Variants in GMDS observed in about 807,000 individuals in gnomAD.
GMDS encodes GDP-mannose 4,6 dehydratase.
In GMDS, 20 loss-of-function variants were observed where a neutral mutation model predicts 49.9. The ratio of observed to expected loss-of-function variants is 0.40; its 90% confidence interval spans 0.28 to 0.58. The LOEUF (loss-of-function observed/expected upper bound fraction) is 0.58, where lower values mean the gene tolerates loss of function less well. Ranked by LOEUF, GMDS falls within the 20% of genes least tolerant of loss-of-function variation. GMDS has a pLI of 0.42. For missense variants in GMDS, 362 were observed against 481.4 expected (o/e 0.75, Z 2.32); for synonymous variants, 177 against 178.6 (o/e 0.99, Z 0.07).
chr6:2,013,044 A>G (rs1235546615), intron 4 of GMDS, among the ~76,000 whole-genome samples: 2 of 152,076 alleles, frequency 1.3e-5, no homozygotes, highest in Non-Finnish European at 2.9e-5. Flanking sequence ...AAAGAGAAAG[A>G]AAAAAAACTG....
chr6:2,065,948 C>A (rs1771557523), intron 4 of GMDS, among the ~76,000 whole-genome samples: 1 of 152,078 alleles, frequency 6.6e-6, no homozygotes, highest in Non-Finnish European at 1.5e-5. Flanking sequence ...TCAAGAAGAG[C>A]AACTCCAAGA....
At chr6:2,068,335 A>G (rs1474348661) in intron 4 of GMDS, among the ~76,000 whole-genome samples, 1 of 150,366 alleles carries the variant, frequency 6.7e-6, no homozygotes, top group Non-Finnish European at 1.5e-5. Flanking sequence ...AACTGGAAGC[A>G]TTCCCTTTGA....
At chr6:1,841,461 G>A (rs1267415714) in intron 7 of GMDS, among the ~76,000 whole-genome samples, 1 of 152,136 alleles carries the variant, frequency 6.6e-6, no homozygotes, top group Non-Finnish European at 1.5e-5. Context: ...ATAACCAAAT[G>A]CTAACGTTTT....
At chr6:1,981,097 C>G (rs976975194) in intron 4 of GMDS, among the ~76,000 whole-genome samples, 1 of 151,952 alleles carries the variant, frequency 6.6e-6, no homozygotes, top group Non-Finnish European at 1.5e-5. Context: ...CTAGAAAGAT[C>G]TCAAATTAAC....
At chr6:1,773,463 G>A (rs1355039443) in intron 7 of GMDS, among the ~76,000 whole-genome samples, 2 of 151,680 alleles carry the variant, frequency 1.3e-5, no homozygotes, top group African/African-American at 2.4e-5. Flanking sequence ...AAGTGGTTGG[G>A]GATGCCTGGG....
At chr6:2,177,941 A>G (rs1378515328) in intron 1 of GMDS, among the ~76,000 whole-genome samples, 2 of 152,246 alleles carry the variant, frequency 1.3e-5, no homozygotes, top group Non-Finnish European at 2.9e-5. Flanking sequence ...TACACCATGG[A>G]ATACTATTCA....
chr6:2,095,676 G>A (rs1160895323), intron 4 of GMDS, among the ~76,000 whole-genome samples: 1 of 152,088 alleles, frequency 6.6e-6, no homozygotes, highest in Non-Finnish European at 1.5e-5. Flanking sequence ...CATAGACAGA[G>A]CACTTTATTT....
chr6:1,767,646 T>C (rs1768410109), intron 7 of GMDS, among the ~76,000 whole-genome samples: 1 of 152,210 alleles, frequency 6.6e-6, no homozygotes, highest in African/African-American at 2.4e-5. Flanking sequence ...CAGCCGAGTC[T>C]GGAGCGAGTT....
At chr6:1,788,169 G>A (rs1175151087) in intron 7 of GMDS, among the ~76,000 whole-genome samples, 1 of 152,214 alleles carries the variant, frequency 6.6e-6, no homozygotes, top group Non-Finnish European at 1.5e-5. Flanking sequence ...AAGGGAGACA[G>A]AGGCAAAGAC....
At chr6:1,658,970 GGTTTGA>G (rs1397239443) in intron 9 of GMDS, among the ~76,000 whole-genome samples, 1 of 152,226 alleles carries the variant, frequency 6.6e-6, no homozygotes, top group Non-Finnish European at 1.5e-5. Context: ...ACGTGAGGCA[GGTTTGA>G]GTTTAATAGG....
At chr6:1,873,162 AG>A (rs1480890252) in intron 7 of GMDS, among the ~76,000 whole-genome samples, 3 of 152,236 alleles carry the variant, frequency 2.0e-5, no homozygotes, top group African/African-American at 7.2e-5. Flanking sequence ...ATCTCCCTAC[AG>A]GGCTGTTGGT....
intron 7 of GMDS, among the ~76,000 whole-genome samples, chr6:1,797,938 T>C (rs1465709953): frequency 6.6e-6 from 1 of 152,232 alleles, no homozygotes; most frequent in African/African-American, 2.4e-5. Context: ...GATGTCTCTG[T>C]TTGTTTCAGT....
chr6:1,747,087 G>T (rs1411398398), intron 7 of GMDS, among the ~76,000 whole-genome samples: 1 of 152,146 alleles, frequency 6.6e-6, no homozygotes, highest in Non-Finnish European at 1.5e-5. Flanking sequence ...ATGCAGAAGT[G>T]GTTTGGGAGG....
At chr6:1,907,003 T>C (rs1581339080) in intron 7 of GMDS, among the ~76,000 whole-genome samples, 2 of 152,214 alleles carry the variant, frequency 1.3e-5, no homozygotes, top group South Asian at 4.2e-4. Context: ...CCATGGAGGG[T>C]GAGAACTCAG....
At chr6:1,655,480 CACACACACACACACAT>C (rs1417344122) in intron 9 of GMDS, among the ~76,000 whole-genome samples, 92 of 39,328 alleles carry the variant, frequency 2.3e-3, no homozygotes, top group Middle Eastern at 0.024. Flanking sequence ...AAGCCTTACA[CACACACACACACACAT>C]ACACACACAC....
intron 7 of GMDS, among the ~76,000 whole-genome samples, chr6:1,782,394 T>C (rs1484917899): frequency 6.6e-6 from 1 of 152,206 alleles, no homozygotes; most frequent in African/African-American, 2.4e-5. Context: ...TAAGGACAAA[T>C]AGATAACATT....
In GMDS at chr6:1,649,225, A is replaced by G. The variant is rs189418488; in HGVS notation, c.988-24685T>C. Among the ~76,000 whole-genome samples the G allele has an allele frequency of 2.0e-5, 3 of 152,292 alleles. No homozygotes were observed. The East Asian group carries it at 5.8e-4, about 29-fold the overall frequency. ...GTACTGTCAGGAAGTAAGCTTGGGT[A>G]CTAGGAAGACATTAGCCGATTACTC... On this transcript the variant is annotated intron_variant, in intron 9 of 10. Coordinates refer to ENST00000380815, the MANE Select transcript of GMDS (RefSeq NM_001500.4).
chr6:1,903,367 A>T (rs1245370810), intron 7 of GMDS, among the ~76,000 whole-genome samples: 1 of 152,206 alleles, frequency 6.6e-6, no homozygotes, highest in Non-Finnish European at 1.5e-5. Flanking sequence ...GAATTTCTTC[A>T]ATCGGAATTT....
intron 9 of GMDS, among the ~76,000 whole-genome samples, chr6:1,653,605 G>A (rs1424706050): frequency 6.6e-6 from 1 of 152,104 alleles, no homozygotes; most frequent in African/African-American, 2.4e-5. Context: ...AAAGACAGAC[G>A]CGGATACGAA....
Sources: gnomAD v4.1 joint callset for allele counts (sites outside exome capture counted in the v4.1 genomes callset) on GRCh38, gnomAD v4.1.1 for gene constraint, MANE v1.5 for transcripts, NCBI Gene and HGNC (gene_info 2026-07-23, HGNC 2026-07-21) for gene names.